Variants in CELA3B observed in about 807,000 individuals in gnomAD.
CELA3B encodes chymotrypsin like elastase 3B.
Under a neutral mutation model 37.2 loss-of-function variants are expected in CELA3B, and 34 were observed. The ratio of observed to expected loss-of-function variants is 0.91; its 90% CI spans 0.70 to 1.22. The LOEUF (loss-of-function observed/expected upper bound fraction) is 1.22. CELA3B is among the 50% of genes most tolerant of loss of function. The probability of loss-of-function intolerance (pLI) is 0.00; values close to 1 mark genes in which losing one functional copy is unlikely to be tolerated. For missense variants in CELA3B, 340 were observed against 363.1 expected (o/e 0.94, Z 0.52); for synonymous variants, 127 against 143.5 (o/e 0.89, Z 0.82).
chr1:21,977,089 C>A lies in CELA3B; in HGVS notation c.43+7C>A, dbSNP rs1307481392. On this transcript the variant is annotated splice_region_variant and intron_variant, in intron 1 of 7. Transcript: ENST00000337107. Reference sequence around the variant, plus strand: ...CTCCTCCTTGTGGCCGTTGGTAAGACCCCAACCTGTGTGTGTGCTCCCTGG... The same window carrying A: ...CTCCTCCTTGTGGCCGTTGGTAAGAACCCAACCTGTGTGTGTGCTCCCTGG... The A allele has an allele frequency of 1.2e-6, 2 of 1,614,004 alleles. No homozygotes were observed. Among genetic ancestry groups the A allele is most frequent in the South Asian group, 1.1e-5 (1 of 91,086 alleles).
At position 21,981,024 on chromosome 1, in the gene CELA3B, A is replaced by T. The variant is rs1473579050; in HGVS notation, c.228-14A>T. 2.5e-6 allele frequency: 4 copies of T among 1,613,930 alleles called. No homozygotes were observed. The South Asian group carries it at 4.4e-5, about 18-fold the overall frequency. On this transcript the variant is annotated splice_polypyrimidine_tract_variant and intron_variant, in intron 3 of 7. Transcript: ENST00000337107. ...AGCCAGTCAGGCCCAGACTGACCTCACCTCCGCCCGCAGGAGCTCCCGGAC... is the reference window on the plus strand; with the variant it reads ...AGCCAGTCAGGCCCAGACTGACCTCTCCTCCGCCCGCAGGAGCTCCCGGAC...
rs1050527796 is a variant in CELA3B, at chr1:21,989,116, T to G, written c.796-146T>G. The G allele has an allele frequency of 1.1e-5, 17 of 1,494,976 alleles. No individual in the cohort carries two copies. The African/African-American group carries it at 1.8e-4, about 16-fold the overall frequency. 92.6% of individuals were successfully genotyped at this position (1,494,976 alleles called of 1,614,324 possible). A position where few individuals can be genotyped will look rare whatever the true frequency, so the allele number is the denominator to read the frequency against. On this transcript the variant is annotated intron_variant, in intron 7 of 7. Coordinates refer to ENST00000337107, the MANE Select transcript of CELA3B (RefSeq NM_007352.4). The stretch of plus-strand genomic sequence containing the variant: ...AGGTAAGTTCTATCATTATCCCTAC[T>G]ACATAGAGGAGGAAACTGAGGCTCA...
intron 2 of CELA3B, among the ~76,000 whole-genome samples, chr1:21,979,166 G>A (rs749517357): frequency 9.9e-5 from 15 of 151,158 alleles, no homozygotes; most frequent in African/African-American, 1.7e-4. Context: ...TCTGCCACCC[G>A]GGTTCAAGCG....
downstream of CELA3B, among the ~76,000 whole-genome samples, chr1:21,991,388 T>G (rs910841425): frequency 3.4e-5 from 5 of 147,682 alleles, 1 homozygote; most frequent in Non-Finnish European, 7.4e-5. Flanking sequence ...CAGGCTGGAG[T>G]ACAATGGTGT....
chr1:21,993,014 G>A (rs1421209406), downstream of CELA3B, among the ~76,000 whole-genome samples: 1 of 141,006 alleles, frequency 7.1e-6, no homozygotes, highest in Non-Finnish European at 1.6e-5. Context: ...TTAGAACATA[G>A]TTCTAATGGC....
At chr1:21,993,381 G>C (rs1196912244), downstream of CELA3B, among the ~76,000 whole-genome samples, 4 of 148,528 alleles carry the variant, frequency 2.7e-5, no homozygotes, top group South Asian at 2.1e-4. Flanking sequence ...AGAATTGCTT[G>C]AACTTGGGAG....
chr1:21,984,568 C>G (rs1391984885), intron 6 of CELA3B, among the ~76,000 whole-genome samples: 1 of 152,102 alleles, frequency 6.6e-6, no homozygotes, highest in African/African-American at 2.4e-5. Flanking sequence ...GTCACTGTGT[C>G]TCCCTGGTCC....
At chr1:21,995,373 C>T (rs1214600225) in intron 4 of CELA3B, among the ~76,000 whole-genome samples, 3 of 150,886 alleles carry the variant, frequency 2.0e-5, no homozygotes, top group Non-Finnish European at 4.4e-5. Flanking sequence ...CTACTGACCT[C>T]GTGATCTGTC....
intron 4 of CELA3B, 132 bp from the exon 5 acceptor site, chr1:21,983,562 T>TGAG: frequency 7.3e-7 from 1 of 1,376,768 alleles, no homozygotes; most frequent in Non-Finnish European, 9.9e-7. Context: ...ATGATGATGA[T>TGAG]GATGAAAGAG....
chr1:21,985,909 A>G lies in CELA3B; in HGVS notation c.643-622A>G, dbSNP rs1482534005. 3.2e-4 allele frequency among the ~76,000 whole-genome samples: 9 copies of G among 28,528 alleles called. No homozygotes were observed. The South Asian group carries it at 4.1e-3, about 13-fold the overall frequency. The allele number at this position is 28,528 out of a possible 152,430, so 18.7% of individuals were successfully genotyped here. On this transcript the variant is annotated intron_variant, in intron 6 of 7. Transcript: ENST00000337107. ...CTGACTCAGAAAAAAAAAGAATACT[A>G]TCAAATACCCTCGTATTATAATTGA...
intron 2 of CELA3B, among the ~76,000 whole-genome samples, chr1:21,979,448 CTTTTCTTTTTT>C (rs1644791742): frequency 9.2e-6 from 1 of 108,556 alleles, no homozygotes; most frequent in African/African-American, 3.8e-5. Context: ...CTTTTCTTTT[CTTTTCTTTTTT>C]TTTTTTTTTT....
chr1:21,986,616 G>A lies in CELA3B; in HGVS notation c.728G>A (p.Gly243Asp). 6.2e-7 allele frequency: 1 copy of A among 1,614,088 alleles called. No homozygotes were observed. The highest frequency in any genetic ancestry group is 8.5e-7 in the Non-Finnish European group (1 of 1,180,032). ...GTGACCAGCTTTGTTTCTGCCTTTG[G>A]CTGCAACACCCGCAGGAAGCCCACG... ...HGVTSFVSAF[G>D]CNTRRKPTVF... is the part of the protein sequence containing the mutation. The change falls in exon 7 of 8, where the codon GGC (glycine) becomes GAC (aspartate). Residue 243 changes from glycine (G) to aspartate (D), a missense_variant. Transcript: ENST00000337107.
intron 6 of CELA3B, among the ~76,000 whole-genome samples, chr1:21,985,718 C>T (rs1352223143): frequency 2.6e-5 from 4 of 151,812 alleles, no homozygotes; most frequent in Non-Finnish European, 4.4e-5. Flanking sequence ...TGTGAAACCT[C>T]GTCTCTACTA....
chr1:21,984,647 T>C (rs1644827398), intron 6 of CELA3B, among the ~76,000 whole-genome samples: 1 of 152,168 alleles, frequency 6.6e-6, no homozygotes, highest in Non-Finnish European at 1.5e-5. Flanking sequence ...AATTCTGTGG[T>C]TCTAAAGTTA....
chr1:21,984,744 C>T (rs1233931868), intron 6 of CELA3B, among the ~76,000 whole-genome samples: 3 of 151,962 alleles, frequency 2.0e-5, no homozygotes, highest in East Asian at 3.9e-4. Flanking sequence ...GTCAGGAGTT[C>T]GAGACCAGCC....
chr1:21,997,615 G>C (rs1367130893), intron 4 of CELA3B, among the ~76,000 whole-genome samples: 3 of 150,662 alleles, frequency 2.0e-5, no homozygotes, highest in Admixed American at 1.3e-4. Context: ...CTTGAACCCG[G>C]GAGGCGAAGG....
chr1:21,997,371 G>C (rs1644895220), intron 4 of CELA3B, among the ~76,000 whole-genome samples: 1 of 115,708 alleles, frequency 8.6e-6, no homozygotes, highest in Non-Finnish European at 1.8e-5. Context: ...AAAAGAGCAA[G>C]ACAAGAGCAA....
At chr1:21,996,330 A>T (rs944239593) in intron 4 of CELA3B, among the ~76,000 whole-genome samples, 2 of 151,194 alleles carry the variant, frequency 1.3e-5, no homozygotes, top group Admixed American at 6.6e-5. Flanking sequence ...CTGATAAAAC[A>T]GTTTGCAGTA....
At chr1:21,982,536 G>A (rs1644811797) in intron 4 of CELA3B, among the ~76,000 whole-genome samples, 1 of 151,922 alleles carries the variant, frequency 6.6e-6, no homozygotes, top group Non-Finnish European at 1.5e-5. Context: ...GGTGGAGGTT[G>A]TAGTGAGCCG....
Sources: allele counts gnomAD v4.1 joint callset (sites outside exome capture counted in the v4.1 genomes callset), GRCh38; gene constraint gnomAD v4.1.1; transcripts MANE v1.5; gene names NCBI Gene and HGNC (gene_info 2026-07-23, HGNC 2026-07-21).